ITIH5: variants seen among roughly 807,000 people sequenced by gnomAD.
The protein encoded by ITIH5 is inter-alpha-trypsin inhibitor heavy chain H5.
ITIH5 carries 65 observed loss-of-function variants against 77.5 expected under a neutral mutation model. That is an observed-to-expected ratio of 0.84 (90% CI 0.69 to 1.03). The LOEUF is 1.03. Among genes scored for constraint, ITIH5 ranks in the 50% least tolerant of loss-of-function variants. The pLI, the probability that ITIH5 is intolerant of heterozygous loss-of-function variation, is 0.00. For synonymous variants in ITIH5, 525 were observed against 494.3 expected (o/e 1.06, Z -0.82); for missense variants, 1,208 against 1,213.1 (o/e 1.00, Z 0.06).
rs528622461 is a variant in ITIH5 at position 7,565,048 on chromosome 10, T to TAC, written c.2527+980_2527+981dup. Reference sequence around the variant, plus strand: ...TACATACATAGACTGTATATATATATACATATATACACACATAGACTGTAT... The same window carrying TAC: ...TACATACATAGACTGTATATATATATACACATATATACACACATAGACTGTAT... On this transcript the variant is annotated intron_variant, in intron 13 of 13. Coordinates refer to ENST00000397146, the MANE Select transcript of ITIH5 (RefSeq NM_030569.7). Among the ~76,000 whole-genome samples, 787 of 137,288 alleles carry TAC rather than the reference T, an allele frequency of 5.7e-3. 10 individuals carry two copies. Among genetic ancestry groups the TAC allele is most frequent in the African/African-American group, 0.02 (752 of 37,784 alleles). 90.1% of individuals were successfully genotyped at this position (137,288 alleles called of 152,430 possible).
chr10:7,590,276 A>G (rs369373192), intron 7 of ITIH5, among the ~76,000 whole-genome samples: 42 of 151,940 alleles, frequency 2.8e-4, no homozygotes, highest in African/African-American at 9.4e-4. Context: ...CTTCAACACC[A>G]CCCTGGAATT....
chr10:7,666,854 C>T lies in ITIH5; in HGVS notation c.39G>A (p.Leu13=). 1 of 1,608,806 alleles carries T rather than the reference C, an allele frequency of 6.2e-7. No individual in the cohort carries two copies. Among genetic ancestry groups the T allele is most frequent in the Non-Finnish European group, 8.5e-7 (1 of 1,178,152 alleles). The change falls in exon 1 of 14, where the codon CTG becomes CTA. Residue 13 remains leucine, a synonymous_variant. Coordinates refer to ENST00000397146, the MANE Select transcript of ITIH5 (RefSeq NM_030569.7). ...GCGCCTCTTCCTGCGACCCCACACA[C>T]AGGGACAGCCCCAGGCACAGCCCCA... ...LLLGLCLGLS[L]CVGSQEEAQS...
intron 7 of ITIH5, among the ~76,000 whole-genome samples, chr10:7,602,393 T>A (rs1032880069): frequency 7.9e-5 from 12 of 152,198 alleles, no homozygotes. Context: ...TGAATTTTAA[T>A]CCCCATAATC....
intron 7 of ITIH5, among the ~76,000 whole-genome samples, chr10:7,615,277 T>C (rs1833341542): frequency 6.6e-6 from 1 of 152,104 alleles, no homozygotes; most frequent in South Asian, 2.1e-4. Context: ...ATAAAATAGA[T>C]AATGAATTTT....
At chr10:7,569,851 G>A (rs1832262813) in intron 11 of ITIH5, 67 bp from the exon 12 acceptor site, 4 of 796,358 alleles carry the variant, frequency 5.0e-6, no homozygotes, top group African/African-American at 1.7e-5. Flanking sequence ...TTGTGTAGGT[G>A]CTACTCTCTA....
In ITIH5 at chr10:7,576,687, T is replaced by C. The variant is rs1832426975; in HGVS notation, c.1744A>G (p.Thr582Ala). ...AGCCAGGAGCTCAGCAGCTCCTTTGTGGTGAGGTAGCTCCAGAGACGCTCG... is the reference window on the plus strand; with the variant it reads ...AGCCAGGAGCTCAGCAGCTCCTTTGCGGTGAGGTAGCTCCAGAGACGCTCG... ...HIERLWSYLT[T>A]KELLSSWLQS... is the part of the protein sequence containing the mutation. The change falls in exon 10 of 14, where the codon ACA becomes GCA. Residue 582 changes from threonine to alanine, a missense_variant. Physicochemically the swap from Thr to Ala is moderately conservative, Grantham distance 58 (BLOSUM62 0). Coordinates refer to ENST00000397146, the MANE Select transcript of ITIH5 (RefSeq NM_030569.7). The C allele has an allele frequency of 6.2e-7, 1 of 1,614,172 alleles. No homozygotes were observed. Among genetic ancestry groups the C allele is most frequent in the South Asian group, 1.1e-5 (1 of 91,092 alleles).
At chr10:7,610,169 C>T (rs1378431510) in intron 7 of ITIH5, among the ~76,000 whole-genome samples, 1 of 150,996 alleles carries the variant, frequency 6.6e-6, no homozygotes, top group Non-Finnish European at 1.5e-5. Context: ...AACACCACAG[C>T]CATCTCTCAA....
At position 7,562,870 on chromosome 10, in the gene ITIH5, T is replaced by C. The variant is rs894461717; in HGVS notation, c.*213A>G. On this transcript the variant is annotated 3_prime_UTR_variant, in exon 14 of 14. Coordinates refer to ENST00000397146, the MANE Select transcript of ITIH5 (RefSeq NM_030569.7). ...GGTGGGGAGAGGCAGGAAGAGGCAG[T>C]AGAGGGAAATGACATTTGCACTCAG... The C allele has an allele frequency of 3.3e-6, 2 of 605,346 alleles. No homozygotes were observed. The highest frequency in any genetic ancestry group is 1.8e-5 in the African/African-American group (1 of 54,074). The allele number at this position is 605,346 out of a possible 1,614,324, so 37.5% of individuals were successfully genotyped here.
At chr10:7,634,067 C>G (rs541611481) in intron 5 of ITIH5, among the ~76,000 whole-genome samples, 23 of 118,160 alleles carry the variant, frequency 1.9e-4, no homozygotes, top group African/African-American at 7.6e-4. Context: ...CCAGCCTGGG[C>G]GACAGAGCAA....
chr10:7,565,137 C>T (rs896040746), intron 13 of ITIH5, among the ~76,000 whole-genome samples: 1 of 143,386 alleles, frequency 7.0e-6, no homozygotes, highest in African/African-American at 2.7e-5. Context: ...ACACACCATA[C>T]ATACATACAG....
chr10:7,629,500 T>C (rs1271824370), intron 5 of ITIH5, among the ~76,000 whole-genome samples: 2 of 131,702 alleles, frequency 1.5e-5, no homozygotes, highest in African/African-American at 5.1e-5. Flanking sequence ...GTAGCGTGTG[T>C]CCATGTTGCA....
At position 7,563,115 on chromosome 10, in the gene ITIH5, T is replaced by TC. The variant is rs61199416; in HGVS notation, c.2796dup (p.Thr933AspfsTer25). 32,455 of 1,613,814 alleles carry TC rather than the reference T, an allele frequency of 0.02. 3,224 individuals carry two copies. The African/African-American group carries it at 0.29, about 14-fold the overall frequency. On this transcript the variant is annotated frameshift_variant, in exon 14 of 14. Transcript: ENST00000397146. LOFTEE classifies it low-confidence loss of function (END_TRUNC). The stretch of plus-strand genomic sequence containing the variant: ...TCCCTGGACATTCCCCGGCCAAGTG[T>TC]CATCCCTGTGTCAAATGGATGGGAT...
chr10:7,607,583 G>A (rs1397383903), intron 7 of ITIH5, among the ~76,000 whole-genome samples: 1 of 152,262 alleles, frequency 6.6e-6, no homozygotes, highest in East Asian at 1.9e-4. Context: ...GGAGGCTGAG[G>A]CAGGTGGATC....
intron 2 of ITIH5, among the ~76,000 whole-genome samples, chr10:7,651,903 C>T (rs1272028371): frequency 6.6e-6 from 1 of 152,172 alleles, no homozygotes; most frequent in Non-Finnish European, 1.5e-5. Flanking sequence ...CTCCAGGGAT[C>T]TGTGAGTATG....
At position 7,559,347 on chromosome 10, in the gene ITIH5, TTG is replaced by T. The variant is rs1436551664; in HGVS notation, c.*3734_*3735del. The T allele has an allele frequency of 6.6e-6, 1 of 151,140 alleles. No homozygotes were observed. Among genetic ancestry groups the T allele is most frequent in the Non-Finnish European group, 1.5e-5 (1 of 68,210 alleles). The allele number at this position is 151,140 out of a possible 1,614,324, so 9.4% of individuals were successfully genotyped here. A position where few individuals can be genotyped will look rare whatever the true frequency, so the allele number is the denominator to read the frequency against. ...TTAGAAAAATAAACAGACCAATATG[TTG>T]TTTGTTTTTATGCATCGTTCTCTTA... On this transcript the variant is annotated 3_prime_UTR_variant, in exon 14 of 14. Transcript: ENST00000397146.
Position 7,582,067 on chromosome 10 carries a change from G to A in ITIH5, c.1109-2003C>T, listed in dbSNP as rs190611416. 1.7e-4 allele frequency among the ~76,000 whole-genome samples: 25 copies of A among 150,468 alleles called. No homozygotes were observed. The East Asian group carries it at 2.7e-3, about 17-fold the overall frequency. ...ATTTTTGTACTTTTTTAGTAGAGAC[G>A]GGTTTCACCATGTTGGCCAGGCTGG... On this transcript the variant is annotated intron_variant, in intron 8 of 13. Transcript: ENST00000397146.
chr10:7,643,952 G>C (rs956246498), intron 2 of ITIH5, among the ~76,000 whole-genome samples: 1 of 152,162 alleles, frequency 6.6e-6, no homozygotes, highest in Non-Finnish European at 1.5e-5. Context: ...CAAATATCAA[G>C]TGCACCGGCT....
At chr10:7,642,993 G>A (rs1394433739) in intron 2 of ITIH5, among the ~76,000 whole-genome samples, 1 of 152,188 alleles carries the variant, frequency 6.6e-6, no homozygotes, top group Non-Finnish European at 1.5e-5. Context: ...TGCGGGGAAG[G>A]CAGTATTTGG....
At chr10:7,577,448 T>G (rs1832448380) in intron 9 of ITIH5, among the ~76,000 whole-genome samples, 1 of 152,206 alleles carries the variant, frequency 6.6e-6, no homozygotes, top group Admixed American at 6.5e-5. Context: ...ATTCTTCCTG[T>G]GATACAATTT....
Sources: allele counts gnomAD v4.1 joint callset (sites outside exome capture counted in the v4.1 genomes callset), GRCh38; gene constraint gnomAD v4.1.1; transcripts MANE v1.5; gene names NCBI Gene and HGNC (gene_info 2026-07-23, HGNC 2026-07-21).